Variants in CLRN1 observed in about 807,000 individuals in gnomAD.
CLRN1 encodes clarin-1.
In CLRN1, 15 loss-of-function variants were observed where a neutral mutation model predicts 18.7. The observed-to-expected ratio is 0.80, with a 90% CI of 0.54 to 1.23. The LOEUF (loss-of-function observed/expected upper bound fraction) is 1.23, where lower values mean the gene tolerates loss of function less well. Ranked by LOEUF, CLRN1 falls within the 50% of genes most tolerant of loss-of-function variation. The pLI is 0.00. For missense variants in CLRN1, 311 were observed against 277.5 expected (o/e 1.12, Z -0.86); for synonymous variants, 104 against 102.9 (o/e 1.01, Z -0.07).
intron 1 of CLRN1, among the ~76,000 whole-genome samples, chr3:150,952,105 T>A (rs184433869): frequency 1.4e-3 from 218 of 152,318 alleles, no homozygotes; most frequent in Middle Eastern, 3.4e-3. Flanking sequence ...CTATGCCCCA[T>A]CTTCCGGCAG....
At chr3:150,942,581 G>T in intron 1 of CLRN1, 1 of 454,982 alleles carries the variant, frequency 2.2e-6, no homozygotes. Context: ...TCTAGGTGTT[G>T]GAAGTAGAGC....
At chr3:150,945,681 T>G (rs1452368178) in intron 1 of CLRN1, 4 of 1,260,630 alleles carry the variant, frequency 3.2e-6, no homozygotes, top group African/African-American at 1.5e-5. Flanking sequence ...TTCCTTTATC[T>G]TCTCACAATC....
chr3:150,943,683 A>G, intron 1 of CLRN1: 1 of 1,401,866 alleles, frequency 7.1e-7, no homozygotes, highest in Non-Finnish European at 1.0e-6. Flanking sequence ...CTTTGCCCTC[A>G]CAGGCAGAGG....
Position 150,934,189 on chromosome 3 carries a change from A to G in CLRN1, c.434-5988T>C, listed in dbSNP as rs944429111. Among the ~76,000 whole-genome samples the G allele has an allele frequency of 1.4e-4, 21 of 152,314 alleles. 1 individual carries two copies. In the South Asian group the frequency reaches 3.7e-3, roughly 27 times the overall value. On this transcript the variant is annotated intron_variant, in intron 2 of 2. Coordinates refer to ENST00000327047, the MANE Select transcript of CLRN1 (RefSeq NM_174878.3). ...GTATTATTCATACTGAAACTGATAT[A>G]TAATGTAACTGTTCTGTTTTTGAAC...
At chr3:150,934,241 A>G (rs754053841) in intron 2 of CLRN1, among the ~76,000 whole-genome samples, 5 of 152,190 alleles carry the variant, frequency 3.3e-5, no homozygotes, top group Admixed American at 2.0e-4. Flanking sequence ...GTCTTTGTGT[A>G]TATGAATGTG....
At chr3:150,946,531 T>C (rs1714178891) in intron 1 of CLRN1, among the ~76,000 whole-genome samples, 1 of 149,208 alleles carries the variant, frequency 6.7e-6, no homozygotes, top group Non-Finnish European at 1.5e-5. Flanking sequence ...TCTGCAAGCA[T>C]TGTCTATTCA....
intron 1 of CLRN1, among the ~76,000 whole-genome samples, chr3:150,959,177 C>T (rs201686391): frequency 6.6e-6 from 1 of 152,142 alleles, no homozygotes; most frequent in African/African-American, 2.4e-5. Context: ...GAACAAGTAT[C>T]CTCTAACTCT....
chr3:150,928,245 T>G, intron 2 of CLRN1, 44 bp from the exon 3 acceptor site: 2 of 1,611,208 alleles, frequency 1.2e-6, no homozygotes, highest in Non-Finnish European at 1.7e-6. Flanking sequence ...ATTTCCTGAT[T>G]GTAAGGGACA....
Position 150,971,477 on chromosome 3 carries a change from A to G in CLRN1, c.253+979T>C, listed in dbSNP as rs373300811. 3.3e-5 allele frequency among the ~76,000 whole-genome samples: 5 copies of G among 152,332 alleles called. No individual in the cohort carries two copies. In the East Asian group the frequency reaches 5.8e-4, roughly 18 times the overall value. ...TAATTAGGCACTGCATATGTTAATA[A>G]TAAATTCAATTAATTTAGCCTTCTA... On this transcript the variant is annotated intron_variant, in intron 1 of 2. Transcript: ENST00000327047.
chr3:150,949,324 G>A (rs968514553), intron 1 of CLRN1, among the ~76,000 whole-genome samples: 1 of 152,064 alleles, frequency 6.6e-6, no homozygotes, highest in Non-Finnish European at 1.5e-5. Flanking sequence ...CTCTCACCAC[G>A]CCTATTCAAC....
chr3:150,972,700 G>T lies in CLRN1; in HGVS notation c.9C>A (p.Ser3Arg), dbSNP rs187218889. 410 of 1,614,218 alleles carry T rather than the reference G, an allele frequency of 2.5e-4. 2 individuals carry two copies. The East Asian group carries it at 7.7e-3, about 30-fold the overall frequency. MP[S>R]QQKKIIFCMA... is the part of the protein sequence containing the mutation. Reference sequence around the variant, plus strand: ...TGCAAAAAATGATTTTCTTCTGTTGGCTTGGCATGATGAGAAACGGCTTCT... The same window carrying T: ...TGCAAAAAATGATTTTCTTCTGTTGTCTTGGCATGATGAGAAACGGCTTCT... Residue 3 changes from serine to arginine, a missense_variant, in exon 1 of 3, where the codon AGC (serine) becomes AGA (arginine). By Grantham distance (110) the Ser-to-Arg change is moderately radical. Coordinates refer to ENST00000327047, the MANE Select transcript of CLRN1 (RefSeq NM_174878.3).
chr3:150,947,593 G>T (rs1031730014), intron 1 of CLRN1, among the ~76,000 whole-genome samples: 1 of 152,112 alleles, frequency 6.6e-6, no homozygotes, highest in South Asian at 2.1e-4. Context: ...AAAACCAACA[G>T]AATATACATT....
intron 2 of CLRN1, among the ~76,000 whole-genome samples, chr3:150,941,168 C>T (rs1421826095): frequency 9.2e-6 from 1 of 108,284 alleles, no homozygotes; most frequent in African/African-American, 3.0e-5. Flanking sequence ...ATCTATCTAT[C>T]TATCTCTTTC....
chr3:150,941,697 G>A lies in CLRN1; in HGVS notation c.318C>T (p.Ala106=), dbSNP rs550281921. The change falls in exon 2 of 3, where the codon GCC becomes GCT. Residue 106 remains alanine, a synonymous_variant. Transcript: ENST00000327047. ...SIHVNVILFS[A]ILIVLTMVGT... ...CCACCATGGTTAACACAATAAGGAT[G>A]GCAGAGAAGAGAATGACATTGACGT... The A allele has an allele frequency of 6.2e-7, 1 of 1,614,030 alleles. No individual in the cohort carries two copies. The highest frequency in any genetic ancestry group is 1.3e-5 in the African/African-American group (1 of 75,036).
chr3:150,943,971 T>C (rs1166370379), intron 1 of CLRN1: 2 of 1,493,670 alleles, frequency 1.3e-6, no homozygotes, highest in Admixed American at 1.9e-5. Flanking sequence ...GGGAGTCCCA[T>C]GAAGGGGTCA....
At chr3:150,969,746 A>G (rs780852395) in intron 1 of CLRN1, among the ~76,000 whole-genome samples, 11 of 152,102 alleles carry the variant, frequency 7.2e-5, no homozygotes, top group Admixed American at 1.3e-4. Flanking sequence ...TAATAACATG[A>G]CAACACAAAG....
At chr3:150,950,638 A>C (rs1235479702) in intron 1 of CLRN1, among the ~76,000 whole-genome samples, 1 of 152,232 alleles carries the variant, frequency 6.6e-6, no homozygotes, top group Non-Finnish European at 1.5e-5. Context: ...TTTTATTAAA[A>C]AGTCAAAAGA....
At chr3:150,959,197 C>T (rs1025614968) in intron 1 of CLRN1, among the ~76,000 whole-genome samples, 5 of 152,050 alleles carry the variant, frequency 3.3e-5, no homozygotes, top group Non-Finnish European at 7.4e-5. Context: ...TCTTCACATT[C>T]TCAGAGTCTA....
chr3:150,927,135 T>G lies in CLRN1; in HGVS notation c.*801A>C, dbSNP rs1203718165. 1.4e-6 allele frequency: 1 copy of G among 692,528 alleles called. No homozygotes were observed. Among genetic ancestry groups the G allele is most frequent in the East Asian group, 3.0e-5 (1 of 33,674 alleles). 42.9% of individuals were successfully genotyped at this position (692,528 alleles called of 1,614,324 possible). A position where few individuals can be genotyped will look rare whatever the true frequency, so the allele number is the denominator to read the frequency against. ...TCCTAACAATTATGTTCATTGAAAG[T>G]ACTGTCGTGAATGTAATTGGGACTC... On this transcript the variant is annotated 3_prime_UTR_variant, in exon 3 of 3. Transcript: ENST00000327047.
Sources: allele counts gnomAD v4.1 joint callset (sites outside exome capture counted in the v4.1 genomes callset), GRCh38; gene constraint gnomAD v4.1.1; transcripts MANE v1.5; gene names NCBI Gene and HGNC (gene_info 2026-07-23, HGNC 2026-07-21).